SPDEF: variants seen among roughly 807,000 people sequenced by gnomAD.
SPDEF encodes the protein SAM pointed domain-containing Ets transcription factor.
A neutral mutation model predicts 36.0 loss-of-function variants in SPDEF; 12 were observed. The observed-to-expected ratio is 0.33, with a 90% confidence interval of 0.21 to 0.54. The LOEUF (loss-of-function observed/expected upper bound fraction) is 0.54. Ranked by LOEUF, SPDEF falls within the 20% of genes least tolerant of loss-of-function variation. The probability of loss-of-function intolerance (pLI) is 0.93; values close to 1 mark genes in which losing one functional copy is unlikely to be tolerated. For missense variants in SPDEF, 388 were observed against 456.9 expected, an observed-to-expected ratio of 0.85 and a Z score of 1.37; for synonymous variants, 205 against 193.0, an observed-to-expected ratio of 1.06 and a Z score of -0.51.
chr6:34,546,631 CT>C (rs1213242827), intron 1 of SPDEF, among the ~76,000 whole-genome samples: 1 of 152,146 alleles, frequency 6.6e-6, no homozygotes, highest in East Asian at 1.9e-4. Context: ...GCCCACCCTC[CT>C]TGTGCAGTGC....
rs755477706 is a variant in SPDEF at position 34,539,605 on chromosome 6, C to T, written c.635-43G>A. 1.2e-5 allele frequency: 19 copies of T among 1,551,100 alleles called. No homozygotes were observed. The highest frequency in any genetic ancestry group is 1.6e-5 in the Non-Finnish European group (18 of 1,147,950). ...GGGGTTGGGGACCCAGGAGAGGCCC[C>T]GAGGGTGGAGGAGGGGAGGCGTTTG... On this transcript the variant is annotated intron_variant, in intron 3 of 5. Coordinates refer to ENST00000374037, the MANE Select transcript of SPDEF (RefSeq NM_012391.3). This position sits in a 1 kb window ranked among gnomAD's most constrained non-coding sequence, Gnocchi z 5.2.
In SPDEF at chr6:34,539,667, TG is replaced by T. The variant is rs1767777282; in HGVS notation, c.635-106del. On this transcript the variant is annotated intron_variant, in intron 3 of 5. Coordinates refer to ENST00000374037, the MANE Select transcript of SPDEF (RefSeq NM_012391.3). The surrounding 1 kb of genome is among the most constrained non-coding windows in gnomAD (Gnocchi z 5.2). ...GGGGCCACAGGAGCCCCTCTGTGGC[TG>T]GGGGTTGCCCCTGTGGCTCCCTGCC... 1 of 1,354,960 alleles carries T rather than the reference TG, an allele frequency of 7.4e-7. No homozygotes were observed. Among genetic ancestry groups the T allele is most frequent in the Admixed American group, 2.0e-5 (1 of 50,662 alleles). The allele number at this position is 1,354,960 out of a possible 1,614,324, so 83.9% of individuals were successfully genotyped here.
In SPDEF at chr6:34,541,081, C is replaced by T. The variant is rs187034715; in HGVS notation, c.537G>A (p.Ala179=). Residue 179 remains alanine, a synonymous_variant, in exon 3 of 6, where the codon GCG becomes GCA. Coordinates refer to ENST00000374037, the MANE Select transcript of SPDEF (RefSeq NM_012391.3). The part of the protein sequence containing the change: ...PPMGKAFQEL[A]GKELCAMSEE... ...CCGACATGGCGCACAGCTCCTTGCCCGCCAGCTCCTGGAAGGCCTTGCCCA... is the reference window on the plus strand; with the variant it reads ...CCGACATGGCGCACAGCTCCTTGCCTGCCAGCTCCTGGAAGGCCTTGCCCA... The T allele has an allele frequency of 1.8e-5, 29 of 1,611,758 alleles. No individual in the cohort carries two copies. Among genetic ancestry groups the T allele is most frequent in the Admixed American group, 1.5e-4 (9 of 59,838 alleles).
chr6:34,552,749 C>A lies in SPDEF; in HGVS notation c.-30+3180G>T, dbSNP rs1768089627. Among the ~76,000 whole-genome samples, 2 of 152,246 alleles carry A rather than the reference C, an allele frequency of 1.3e-5. No homozygotes were observed. The highest frequency in any genetic ancestry group is 4.1e-4 in the South Asian group (2 of 4,834). On this transcript the variant is annotated intron_variant, in intron 1 of 5. Coordinates refer to ENST00000374037, the MANE Select transcript of SPDEF (RefSeq NM_012391.3). The surrounding 1 kb of genome is among the most constrained non-coding windows in gnomAD (Gnocchi z 4.6). The stretch of plus-strand genomic sequence containing the variant: ...ACAGATGAGAAAAGTCCAGAAAGAA[C>A]TGTCCTGACAGGCTAAGAACAGAAA...
At chr6:34,547,934 G>A (rs116840405) in intron 1 of SPDEF, among the ~76,000 whole-genome samples, 2,053 of 152,300 alleles carry the variant, frequency 0.013, 33 homozygotes, top group African/African-American at 0.042. Context: ...GATCAGGGGT[G>A]GTGGGGAATG....
chr6:34,554,915 C>T (rs1335746674), intron 1 of SPDEF, among the ~76,000 whole-genome samples: 4 of 152,102 alleles, frequency 2.6e-5, no homozygotes, highest in Non-Finnish European at 4.4e-5. Flanking sequence ...CAGCCCTGGC[C>T]GAGGAGGAGG....
In SPDEF at chr6:34,538,587, G is replaced by A. The variant is rs780980887; in HGVS notation, c.830-135C>T. 50 of 842,038 alleles carry A rather than the reference G, an allele frequency of 5.9e-5. No homozygotes were observed. The highest frequency in any genetic ancestry group is 8.2e-5 in the Non-Finnish European group (45 of 550,090). 52.2% of individuals were successfully genotyped at this position (842,038 alleles called of 1,614,324 possible). On this transcript the variant is annotated intron_variant, in intron 5 of 5. Coordinates refer to ENST00000374037, the MANE Select transcript of SPDEF (RefSeq NM_012391.3). The surrounding 1 kb of genome is among the most constrained non-coding windows in gnomAD (Gnocchi z 5.9). ...AGGCCTCCCCCTGCTCGGGTGGGGC[G>A]GGGTGTGGGGGCCCAAATGCCTACT...
chr6:34,545,252 C>T (rs553413803), intron 1 of SPDEF, among the ~76,000 whole-genome samples: 32 of 152,332 alleles, frequency 2.1e-4, no homozygotes, highest in African/African-American at 5.8e-4. Flanking sequence ...CTACTTTCCC[C>T]GATGCCTGGA....
intron 1 of SPDEF, among the ~76,000 whole-genome samples, chr6:34,546,489 C>G (rs1767956521): frequency 1.3e-5 from 2 of 152,174 alleles, no homozygotes; most frequent in Non-Finnish European, 2.9e-5. Context: ...AGAACCCAGT[C>G]TGGAAGACAC....
At chr6:34,546,430 C>T (rs11757517) in intron 1 of SPDEF, among the ~76,000 whole-genome samples, 12,758 of 152,128 alleles carry the variant, frequency 0.084, 623 homozygotes, top group African/African-American at 0.14. Context: ...CTGACCCGCG[C>T]AGCCTCCGTA....
In SPDEF at chr6:34,554,650, T is replaced by C. The variant is rs560789891; in HGVS notation, c.-30+1279A>G. Among the ~76,000 whole-genome samples, 3 of 152,104 alleles carry C rather than the reference T, an allele frequency of 2.0e-5. No homozygotes were observed. In the East Asian group the frequency reaches 5.8e-4, roughly 29 times the overall value. On this transcript the variant is annotated intron_variant, in intron 1 of 5. Coordinates refer to ENST00000374037, the MANE Select transcript of SPDEF (RefSeq NM_012391.3). ...CCACCATTTGTCTGTGAGTTTGGGG[T>C]GGTGGGACTCCAAGCTGGGGGTCCT...
intron 2 of SPDEF, among the ~76,000 whole-genome samples, chr6:34,542,128 G>A (rs1321993012): frequency 6.6e-6 from 1 of 152,240 alleles, no homozygotes; most frequent in Admixed American, 6.5e-5. Flanking sequence ...CATGGGCATT[G>A]GGAAACTTGG....
At position 34,552,156 on chromosome 6, in the gene SPDEF, CG is replaced by C. The variant is rs1182763288; in HGVS notation, c.-30+3772del. On this transcript the variant is annotated intron_variant, in intron 1 of 5. Coordinates refer to ENST00000374037, the MANE Select transcript of SPDEF (RefSeq NM_012391.3). This position sits in a 1 kb window ranked among gnomAD's most constrained non-coding sequence, Gnocchi z 4.6. ...AGTCTCGTCCTCACCCCCAAATCGC[CG>C]GTACACTCCTTGAAGGGCCGGCCAC... Among the ~76,000 whole-genome samples the C allele has an allele frequency of 6.6e-6, 1 of 152,118 alleles. No individual in the cohort carries two copies. Among genetic ancestry groups the C allele is most frequent in the Non-Finnish European group, 1.5e-5 (1 of 68,024 alleles).
In SPDEF at chr6:34,540,635, AC is replaced by A. The variant is rs1172842604; in HGVS notation, c.634+348del. 6.6e-5 allele frequency among the ~76,000 whole-genome samples: 10 copies of A among 152,098 alleles called. No individual in the cohort carries two copies. In the South Asian group the frequency reaches 1.7e-3, roughly 25 times the overall value. On this transcript the variant is annotated intron_variant, in intron 3 of 5. Coordinates refer to ENST00000374037, the MANE Select transcript of SPDEF (RefSeq NM_012391.3). ...TTTATTACTTCTTTAATAAAAAAAA[AC>A]AAAGAAAACAAAGAAAAACAAACAA...
chr6:34,541,043 C>G lies in SPDEF; in HGVS notation c.575G>C (p.Arg192Pro), dbSNP rs745312927. The change falls in exon 3 of 6, where the codon CGC becomes CCC. Residue 192 changes from arginine (R) to proline (P), a missense_variant. Arg to Pro is a moderately radical substitution (Grantham distance 103). This residue lies in a region of SPDEF where 308 missense variants were observed against 326.1 expected (regional missense o/e 0.94). Coordinates refer to ENST00000374037, the MANE Select transcript of SPDEF (RefSeq NM_012391.3). ...ELCAMSEEQF[R>P]QRSPLGGDVL... is the part of the protein sequence containing the mutation. The stretch of plus-strand genomic sequence containing the variant: ...ATCCCCACCCAGGGGCGAGCGCTGG[C>G]GGAACTGCTCCTCCGACATGGCGCA... 6 of 1,612,494 alleles carry G rather than the reference C, an allele frequency of 3.7e-6. No homozygotes were observed. Among genetic ancestry groups the G allele is most frequent in the Non-Finnish European group, 5.1e-6 (6 of 1,179,872 alleles).
chr6:34,539,345 G>C lies in SPDEF; in HGVS notation c.734C>G (p.Ser245Cys), dbSNP rs180755488. The C allele has an allele frequency of 3.1e-6, 5 of 1,613,926 alleles. No homozygotes were observed. The East Asian group carries it at 1.1e-4, about 36-fold the overall frequency. ...CTGCCACAGGTGGATGGGCTGCCCG[G>C]AGCATGATGAGTCCACCTCGCTGTC... Reference protein sequence around the residue: ...WTDSEVDSSCSGQPIHLWQFL... With the variant: ...WTDSEVDSSCCGQPIHLWQFL... The change falls in exon 5 of 6, where the codon TCC (serine) becomes TGC (cysteine). Residue 245 changes from serine (S) to cysteine (C), a missense_variant. Transcript: ENST00000374037. The surrounding 1 kb of genome is among the most constrained non-coding windows in gnomAD (Gnocchi z 5.2).
At chr6:34,542,202 G>A (rs1170020271) in intron 2 of SPDEF, among the ~76,000 whole-genome samples, 2 of 152,216 alleles carry the variant, frequency 1.3e-5, no homozygotes, top group African/African-American at 4.8e-5. Flanking sequence ...CAGGGGCCGG[G>A]CCTGAGGGAT....
chr6:34,551,225 C>A (rs1272574302), intron 1 of SPDEF, among the ~76,000 whole-genome samples: 1 of 152,234 alleles, frequency 6.6e-6, no homozygotes, highest in Non-Finnish European at 1.5e-5. Flanking sequence ...GCTCAGGCCA[C>A]CTGCCAACCC....
In SPDEF at chr6:34,538,238, C is replaced by A; in HGVS notation, c.*36G>T. The A allele has an allele frequency of 6.3e-7, 1 of 1,594,320 alleles. No individual in the cohort carries two copies. The highest frequency in any genetic ancestry group is 8.6e-7 in the Non-Finnish European group (1 of 1,167,298). ...TGAGGCAGGGCAGGCAGGAGAGAGG[C>A]CCCTGAGGGCGGGTTTCAGGCCCTG... On this transcript the variant is annotated 3_prime_UTR_variant, in exon 6 of 6. Transcript: ENST00000374037. The surrounding 1 kb of genome is among the most constrained non-coding windows in gnomAD (Gnocchi z 5.9).
Sources: gnomAD v4.1 joint callset for allele counts (sites outside exome capture counted in the v4.1 genomes callset) on GRCh38, gnomAD v4.1.1 for gene constraint, gnomAD v4.1.1 regional missense constraint, Gnocchi (gnomAD v3.1) non-coding constraint, MANE v1.5 for transcripts, NCBI Gene and HGNC (gene_info 2026-07-23, HGNC 2026-07-21) for gene names.